Variants in CLSTN3 observed in about 807,000 individuals in gnomAD.
CLSTN3 encodes calsyntenin 3.
Under a neutral mutation model 95.9 loss-of-function variants are expected in CLSTN3, and 36 were observed. That is an observed-to-expected ratio of 0.38 (90% CI 0.29 to 0.50). CLSTN3 has a LOEUF of 0.50. CLSTN3 is among the 20% of genes least tolerant of loss of function. CLSTN3 has a pLI of 0.95. For missense variants in CLSTN3, 1,084 were observed against 1,268.8 expected (o/e 0.85, Z 2.21); for synonymous variants, 481 against 504.0 (o/e 0.95, Z 0.61).
chr12:7,154,526 G>C (rs1175468974), intron 16 of CLSTN3, among the ~76,000 whole-genome samples: 1 of 152,144 alleles, frequency 6.6e-6, no homozygotes, highest in Non-Finnish European at 1.5e-5. Flanking sequence ...TGGTTAGAGA[G>C]AATAAGGTTG....
chr12:7,146,244 G>A (rs1252827651), intron 12 of CLSTN3, among the ~76,000 whole-genome samples: 1 of 152,096 alleles, frequency 6.6e-6, no homozygotes, highest in East Asian at 1.9e-4. Flanking sequence ...AGAAGTTCGA[G>A]ACCAGCCTGC....
chr12:7,145,229 C>T (rs753904496), intron 12 of CLSTN3, among the ~76,000 whole-genome samples: 1 of 152,046 alleles, frequency 6.6e-6, no homozygotes, highest in Non-Finnish European at 1.5e-5. Flanking sequence ...GGAAAGGGGC[C>T]TTGATGTTTT....
chr12:7,137,499 A>T lies in CLSTN3; in HGVS notation c.1210+389A>T, dbSNP rs1939448562. ...CTGGGACTGGTTGGCCCCAACTCCG[A>T]GGCCTGTTCTTCCCTCAACTGCAGG... On this transcript the variant is annotated intron_variant, in intron 7 of 17. Transcript: ENST00000266546. This position sits in a 1 kb window ranked among gnomAD's most constrained non-coding sequence, Gnocchi z 4.4. Among the ~76,000 whole-genome samples the T allele has an allele frequency of 6.6e-6, 1 of 152,082 alleles. No homozygotes were observed. Among genetic ancestry groups the T allele is most frequent in the Non-Finnish European group, 1.5e-5 (1 of 68,028 alleles).
Position 7,137,106 on chromosome 12 carries a change from G to T in CLSTN3, c.1206G>T (p.Gln402His). Residue 402 changes from glutamine (Q) to histidine (H), a missense_variant, in exon 7 of 18, where the codon CAG (glutamine) becomes CAT (histidine). Coordinates refer to ENST00000266546, the MANE Select transcript of CLSTN3 (RefSeq NM_014718.4). The surrounding 1 kb of genome is among the most constrained non-coding windows in gnomAD (Gnocchi z 4.4). ...EEETIVCNTV[Q>H]NEDGFSHYSL... The stretch of plus-strand genomic sequence containing the variant: ...AAACCATCGTATGTAACACTGTCCA[G>T]AATGGTGAGCCTCCCCTCCAGGCAC... 1 of 1,603,064 alleles carries T rather than the reference G, an allele frequency of 6.2e-7. No individual in the cohort carries two copies. The highest frequency in any genetic ancestry group is 8.5e-7 in the Non-Finnish European group (1 of 1,173,046).
chr12:7,158,364 C>T lies in CLSTN3; in HGVS notation c.*283C>T, dbSNP rs1279382603. On this transcript the variant is annotated 3_prime_UTR_variant, in exon 18 of 18. Transcript: ENST00000266546. ...CTGGACTTCAGCTGCCTTTCTACCC[C>T]CAATGGCAGCTGCCCCCTTAGCACT... is the stretch of plus-strand genomic sequence containing the variant. 3.1e-6 allele frequency: 1 copy of T among 324,560 alleles called. No homozygotes were observed. 20.1% of individuals were successfully genotyped at this position (324,560 alleles called of 1,614,324 possible). A position where few individuals can be genotyped will look rare whatever the true frequency, so the allele number is the denominator to read the frequency against.
intron 8 of CLSTN3, 73 bp downstream of exon 8, chr12:7,138,140 C>A: frequency 8.7e-7 from 1 of 1,153,754 alleles, no homozygotes; most frequent in Non-Finnish European, 1.3e-6. Context: ...CTTCTCTGGG[C>A]AGGGTCAGCA....
At position 7,136,902 on chromosome 12, in the gene CLSTN3, G is replaced by T; in HGVS notation, c.1002G>T (p.Val334=). 1 of 1,614,120 alleles carries T rather than the reference G, an allele frequency of 6.2e-7. No individual in the cohort carries two copies. Among genetic ancestry groups the T allele is most frequent in the Non-Finnish European group, 8.5e-7 (1 of 1,180,026 alleles). Residue 334 remains valine, a synonymous_variant, in exon 7 of 18, where the codon GTG becomes GTT. Transcript: ENST00000266546. The part of the protein sequence containing the change: ...PNANWTAGLS[V]HYSQDSSLIY... ...CCAACTGGACAGCAGGACTCTCGGT[G>T]CACTACAGCCAGGACAGCAGCCTGA...
rs1160112304 is a variant in CLSTN3, at chr12:7,135,433, C to G, written c.490C>G (p.Leu164Val). ...AGAGGGGAAGCTGTACGATCGCATCCTGCGGGTGGAAGCCATTGACGGTGA... is the reference window on the plus strand; with the variant it reads ...AGAGGGGAAGCTGTACGATCGCATCGTGCGGGTGGAAGCCATTGACGGTGA... ...VTEGKLYDRI[L>V]RVEAIDGDCS... The change falls in exon 4 of 18, where the codon CTG (leucine) becomes GTG (valine). Residue 164 changes from leucine (L) to valine (V), a missense_variant. Leu to Val is a conservative substitution (Grantham distance 32). Coordinates refer to ENST00000266546, the MANE Select transcript of CLSTN3 (RefSeq NM_014718.4). 6.2e-7 allele frequency: 1 copy of G among 1,614,060 alleles called. No homozygotes were observed. The highest frequency in any genetic ancestry group is 1.3e-5 in the African/African-American group (1 of 74,910).
chr12:7,132,361 C>T (rs754208976), intron 1 of CLSTN3: 27 of 211,768 alleles, frequency 1.3e-4, no homozygotes, highest in Admixed American at 9.5e-4. Flanking sequence ...CTTAGGATGA[C>T]GGCTCTGCTG....
chr12:7,130,766 CGGGGTG>C, intron 1 of CLSTN3, 54 bp downstream of exon 1: 1 of 529,774 alleles, frequency 1.9e-6, no homozygotes, highest in Non-Finnish European at 3.3e-6. Flanking sequence ...CAGCGCCGTG[CGGGGTG>C]GGGGTGGGAA....
At chr12:7,147,518 C>CT (rs63621163) in intron 12 of CLSTN3, among the ~76,000 whole-genome samples, 128,714 of 141,920 alleles carry the variant, frequency 0.91, 58,521 homozygotes, top group Admixed American at 0.94. Context: ...TTCTTTTCTT[C>CT]TTTTTTTTTT....
intron 1 of CLSTN3, chr12:7,131,924 TA>T: frequency 2.2e-6 from 1 of 456,328 alleles, no homozygotes; most frequent in Non-Finnish European, 4.4e-6. Context: ...CACCGTGAGA[TA>T]CTGGGGATGA....
At chr12:7,142,061 G>GTTTT (rs63110460) in intron 9 of CLSTN3, 25 bp from the exon 10 acceptor site, 13 of 1,318,134 alleles carry the variant, frequency 9.9e-6, no homozygotes, top group Admixed American at 4.5e-5. Flanking sequence ...CACCAGCACT[G>GTTTT]TTTTTTTTTT....
Position 7,133,540 on chromosome 12 carries a change from C to T in CLSTN3, c.188-33C>T, listed in dbSNP as rs763703526. The stretch of plus-strand genomic sequence containing the variant: ...ACTGAGGGTGGGGAAGGAGACACAG[C>T]AGCCTCACTCCTCCCCTTCTCCCCT... On this transcript the variant is annotated intron_variant, in intron 2 of 17. Coordinates refer to ENST00000266546, the MANE Select transcript of CLSTN3 (RefSeq NM_014718.4). This position sits in a 1 kb window ranked among gnomAD's most constrained non-coding sequence, Gnocchi z 4.7. 3.1e-6 allele frequency: 5 copies of T among 1,604,864 alleles called. No homozygotes were observed. The South Asian group carries it at 5.5e-5, about 18-fold the overall frequency.
Position 7,133,746 on chromosome 12 carries a change from G to A in CLSTN3, c.361G>A (p.Ala121Thr), listed in dbSNP as rs1474657688. Residue 121 changes from alanine (A) to threonine (T), a missense_variant, in exon 3 of 18, where the codon GCC becomes ACC. Coordinates refer to ENST00000266546, the MANE Select transcript of CLSTN3 (RefSeq NM_014718.4). This position sits in a 1 kb window ranked among gnomAD's most constrained non-coding sequence, Gnocchi z 4.7. ...AYDCGEGPDG[A>T]NTKKSHKATV... is the part of the protein sequence containing the mutation. ...TGACTGTGGCGAGGGCCCCGACGGG[G>A]CCAACACCAAGAAGTCCCACAAGTG... is the stretch of plus-strand genomic sequence containing the variant. The A allele has an allele frequency of 6.3e-7, 1 of 1,585,056 alleles. No homozygotes were observed. Among genetic ancestry groups the A allele is most frequent in the African/African-American group, 1.4e-5 (1 of 73,584 alleles).
intron 1 of CLSTN3, chr12:7,132,342 C>T (rs186350581): frequency 1.4e-4 from 30 of 221,756 alleles, no homozygotes; most frequent in African/African-American, 6.0e-4. Flanking sequence ...TAGGCCAGCC[C>T]GATAATCCCT....
Position 7,150,400 on chromosome 12 carries a change from C to A in CLSTN3, c.2246-144C>A. ...GGATGGAGGGGAGCATCCCTCCCTT[C>A]GACCTCAGGTCGCACTTCTGCGGAG... On this transcript the variant is annotated intron_variant, in intron 14 of 17. Transcript: ENST00000266546. The surrounding 1 kb of genome is among the most constrained non-coding windows in gnomAD (Gnocchi z 4.0). 1.1e-6 allele frequency: 1 copy of A among 885,440 alleles called. No individual in the cohort carries two copies. Among genetic ancestry groups the A allele is most frequent in the Non-Finnish European group, 1.7e-6 (1 of 601,402 alleles). 54.8% of individuals were successfully genotyped at this position (885,440 alleles called of 1,614,324 possible). A position where few individuals can be genotyped will look rare whatever the true frequency, so the allele number is the denominator to read the frequency against.
At chr12:7,131,730 T>C (rs1425741271) in intron 1 of CLSTN3, 3 of 450,386 alleles carry the variant, frequency 6.7e-6, no homozygotes, top group East Asian at 1.4e-4. Context: ...TGCCTGCATC[T>C]CTGACCTCAG....
At chr12:7,148,012 G>A (rs1456882239) in intron 12 of CLSTN3, among the ~76,000 whole-genome samples, 6 of 151,958 alleles carry the variant, frequency 3.9e-5, no homozygotes, top group Admixed American at 2.6e-4. Context: ...AAAATTAGCC[G>A]GGTGTGGTGG....
Sources: allele counts gnomAD v4.1 joint callset (sites outside exome capture counted in the v4.1 genomes callset), GRCh38; gene constraint gnomAD v4.1.1; non-coding constraint Gnocchi (gnomAD v3.1); transcripts MANE v1.5; gene names NCBI Gene and HGNC (gene_info 2026-07-23, HGNC 2026-07-21).